The following KCNIP4 variants were observed in gnomAD, a reference collection of about 807,000 sequenced individuals.
The protein encoded by KCNIP4 is potassium voltage-gated channel interacting protein 4, also known as Kv channel-interacting protein 4.
Under a neutral mutation model 34.0 loss-of-function variants are expected in KCNIP4, and 12 were observed. The observed-to-expected ratio is 0.35, with a 90% CI of 0.23 to 0.57. The LOEUF is 0.57. Ranked by LOEUF, KCNIP4 falls within the 20% of genes least tolerant of loss-of-function variation. The pLI is 0.83. For missense variants in KCNIP4, 238 were observed against 311.7 expected, an observed-to-expected ratio of 0.76 and a Z score of 1.78; for synonymous variants, 124 against 102.2, an observed-to-expected ratio of 1.21 and a Z score of -1.29.
chr4:21,377,697 C>T (rs1240424294), intron 1 of KCNIP4, among the ~76,000 whole-genome samples: 9 of 152,076 alleles, frequency 5.9e-5, no homozygotes, highest in Non-Finnish European at 7.4e-5. Context: ...ATTATGCACA[C>T]ATAATAGGAA....
chr4:21,305,304 C>T (rs1308041673), intron 1 of KCNIP4, among the ~76,000 whole-genome samples: 1 of 152,146 alleles, frequency 6.6e-6, no homozygotes, highest in Non-Finnish European at 1.5e-5. Flanking sequence ...GCTGGGATCT[C>T]TTACTAGCTG....
At chr4:21,072,816 T>A (rs1324753272) in intron 1 of KCNIP4, among the ~76,000 whole-genome samples, 1 of 152,180 alleles carries the variant, frequency 6.6e-6, no homozygotes, top group Non-Finnish European at 1.5e-5. Context: ...TTGAATTAAT[T>A]TTCATATAAG....
At chr4:21,796,791 G>T (rs370762682) in intron 1 of KCNIP4, among the ~76,000 whole-genome samples, 2 of 152,164 alleles carry the variant, frequency 1.3e-5, no homozygotes, top group East Asian at 1.9e-4. Context: ...ATTTATCAAT[G>T]ATTTAATTCT....
chr4:21,303,282 C>A (rs189246442), intron 1 of KCNIP4, among the ~76,000 whole-genome samples: 2 of 152,244 alleles, frequency 1.3e-5, no homozygotes, highest in East Asian at 3.9e-4. Flanking sequence ...TCTCTGTTAG[C>A]ATGTAAAATA....
At chr4:21,831,971 C>A (rs1428927353) in intron 1 of KCNIP4, among the ~76,000 whole-genome samples, 1 of 152,046 alleles carries the variant, frequency 6.6e-6, no homozygotes, top group Admixed American at 6.6e-5. Context: ...CCCTGATGAA[C>A]CTAGATGCAA....
At chr4:21,255,077 G>C (rs1173937212) in intron 1 of KCNIP4, among the ~76,000 whole-genome samples, 1 of 152,044 alleles carries the variant, frequency 6.6e-6, no homozygotes, top group Non-Finnish European at 1.5e-5. Flanking sequence ...TCTTGAATGA[G>C]CTCCTCTACC....
intron 1 of KCNIP4, among the ~76,000 whole-genome samples, chr4:21,628,491 G>A (rs1056810870): frequency 6.6e-6 from 1 of 152,132 alleles, no homozygotes; most frequent in Non-Finnish European, 1.5e-5. Context: ...ATGATCCCAG[G>A]CACTCAATAC....
chr4:21,906,751 C>A (rs1040613608), intron 1 of KCNIP4, among the ~76,000 whole-genome samples: 1 of 152,188 alleles, frequency 6.6e-6, no homozygotes, highest in African/African-American at 2.4e-5. Context: ...CCTATAAAAG[C>A]TATCTGCATA....
intron 3 of KCNIP4, among the ~76,000 whole-genome samples, chr4:20,839,222 A>T (rs1491367): frequency 0.85 from 129,242 of 151,994 alleles, 55,462 homozygotes; most frequent in African/African-American, 0.96. Context: ...TTATAAAGTG[A>T]TGTCTAACAA....
At chr4:21,572,155 T>A (rs1740411768) in intron 1 of KCNIP4, among the ~76,000 whole-genome samples, 1 of 152,184 alleles carries the variant, frequency 6.6e-6, no homozygotes, top group Admixed American at 6.6e-5. Flanking sequence ...TAAGTACATA[T>A]CTGTACACAG....
intron 2 of KCNIP4, among the ~76,000 whole-genome samples, chr4:20,850,971 A>G (rs1417743467): frequency 6.6e-6 from 1 of 152,212 alleles, no homozygotes; most frequent in Non-Finnish European, 1.5e-5. Flanking sequence ...TTATATGATT[A>G]CGTCAAACAA....
chr4:21,248,566 A>T (rs150549497), intron 1 of KCNIP4, among the ~76,000 whole-genome samples: 1 of 152,196 alleles, frequency 6.6e-6, no homozygotes, highest in African/African-American at 2.4e-5. Flanking sequence ...TGGTAATGGT[A>T]GATGTGAACT....
intron 1 of KCNIP4, among the ~76,000 whole-genome samples, chr4:21,882,975 T>A (rs2109387738): frequency 6.6e-6 from 1 of 152,238 alleles, no homozygotes; most frequent in East Asian, 1.9e-4. Flanking sequence ...TTCACTTAAA[T>A]TCCATGTAGT....
Position 21,557,541 on chromosome 4 carries a change from T to C in KCNIP4, c.61+391030A>G, listed in dbSNP as rs142137712. ...CTAAAGTCCCTGAAAATCAGTTTTG[T>C]ATCTTCAAATTAGAAAGCTGGAGAG... On this transcript the variant is annotated intron_variant, in intron 1 of 8. Transcript: ENST00000382152. 1.4e-3 allele frequency among the ~76,000 whole-genome samples: 207 copies of C among 152,226 alleles called. 3 individuals carry two copies. The highest frequency in any genetic ancestry group is 4.6e-3 in the African/African-American group (190 of 41,524).
chr4:21,815,347 T>C (rs943478641), intron 1 of KCNIP4, among the ~76,000 whole-genome samples: 7 of 152,158 alleles, frequency 4.6e-5, no homozygotes, highest in African/African-American at 1.7e-4. Context: ...GAAGAACATA[T>C]GTGATAATGT....
chr4:21,802,228 G>T (rs1454284052), intron 1 of KCNIP4, among the ~76,000 whole-genome samples: 1 of 152,100 alleles, frequency 6.6e-6, no homozygotes, highest in Non-Finnish European at 1.5e-5. Flanking sequence ...TCAGTTTTTA[G>T]TGTTTTAATA....
Position 21,501,688 on chromosome 4 carries a change from T to TTGTGTGTGTATGTG in KCNIP4, c.61+446882_61+446883insCACATACACACACA, listed in dbSNP as rs1553893353. 1.1e-4 allele frequency among the ~76,000 whole-genome samples: 14 copies of TTGTGTGTGTATGTG among 127,316 alleles called. No homozygotes were observed. The South Asian group carries it at 2.5e-3, about 23-fold the overall frequency. 83.5% of individuals were successfully genotyped at this position (127,316 alleles called of 152,430 possible). Reference sequence around the variant, plus strand: ...TTCACATTTTGGGAATGCAGAAGCCTTGTGTGTGTGTGTGTGTGTGTGTGT... The same window carrying TTGTGTGTGTATGTG: ...TTCACATTTTGGGAATGCAGAAGCCTTGTGTGTGTATGTGTGTGTGTGTGTGTGTGTGTGTGTGT... On this transcript the variant is annotated intron_variant, in intron 1 of 8. Coordinates refer to ENST00000382152, the MANE Select transcript of KCNIP4 (RefSeq NM_025221.6).
At chr4:21,202,256 G>A (rs900470579) in intron 1 of KCNIP4, among the ~76,000 whole-genome samples, 5 of 152,210 alleles carry the variant, frequency 3.3e-5, no homozygotes, top group African/African-American at 1.2e-4. Flanking sequence ...CCATACAAAA[G>A]AGCAAAATCT....
chr4:21,875,325 G>A (rs1726047358), intron 1 of KCNIP4, among the ~76,000 whole-genome samples: 1 of 152,122 alleles, frequency 6.6e-6, no homozygotes, highest in African/African-American at 2.4e-5. Context: ...TAGACACAGA[G>A]TCACCAGCAG....
Sources: allele counts gnomAD v4.1 joint callset (sites outside exome capture counted in the v4.1 genomes callset), GRCh38; gene constraint gnomAD v4.1.1; transcripts MANE v1.5; gene names NCBI Gene and HGNC (gene_info 2026-07-23, HGNC 2026-07-21).